The following SPTBN2 variants were observed in gnomAD, a reference collection of about 807,000 sequenced individuals.
SPTBN2 encodes spectrin beta chain, non-erythrocytic 2.
In SPTBN2, 107 loss-of-function variants were observed where a neutral mutation model predicts 284.2. The observed-to-expected ratio is 0.38, with a 90% CI of 0.32 to 0.44. The LOEUF is 0.44. SPTBN2 is among the 20% of genes least tolerant of loss of function. The pLI is 1.00. For missense variants in SPTBN2, 2,569 were observed against 3,287.1 expected, an observed-to-expected ratio of 0.78 and a Z score of 5.34; for synonymous variants, 1,289 against 1,354.8, an observed-to-expected ratio of 0.95 and a Z score of 1.07.
At chr11:66,702,735 G>C (rs1025143928) in intron 15 of SPTBN2, among the ~76,000 whole-genome samples, 1 of 151,572 alleles carries the variant, frequency 6.6e-6, no homozygotes, top group Non-Finnish European at 1.5e-5. Context: ...TCAGGAGATC[G>C]AGACCATCCT....
At chr11:66,721,778 G>A (rs556613863) in intron 1 of SPTBN2, among the ~76,000 whole-genome samples, 2 of 152,118 alleles carry the variant, frequency 1.3e-5, no homozygotes, top group South Asian at 4.2e-4. Context: ...GGGCGCGGTG[G>A]CTCACGCCTG....
At chr11:66,744,643 G>T in exon 1 of SPTBN2, 1 of 354,982 alleles carries the variant, frequency 2.8e-6, no homozygotes, top group East Asian at 1.0e-4. Context: ...GTGGCTCCCG[G>T]CGGCGGTTCG....
Position 66,696,347 on chromosome 11 carries a change from T to G in SPTBN2, c.4208A>C (p.Gln1403Pro). Residue 1403 changes from glutamine (Q) to proline (P), a missense_variant, in exon 21 of 38, where the codon CAG becomes CCG. Gln to Pro is a moderately conservative substitution (Grantham distance 76). Coordinates refer to ENST00000533211, the MANE Select transcript of SPTBN2 (RefSeq NM_006946.4). ...GTAGTCATCCGAGTGCAGCTGGGCC[T>G]GCAGGCTCTCCAGCCAGCTCTCCAG... Reference protein sequence around the residue: ...CALESWLESLQAQLHSDDYGK... With the variant: ...CALESWLESLPAQLHSDDYGK... 2 of 1,613,372 alleles carry G rather than the reference T, an allele frequency of 1.2e-6. No homozygotes were observed. The highest frequency in any genetic ancestry group is 1.7e-6 in the Non-Finnish European group (2 of 1,180,030).
At position 66,701,233 on chromosome 11, in the gene SPTBN2, A is replaced by G; in HGVS notation, c.2866T>C (p.Ser956Pro). 1 of 1,612,996 alleles carries G rather than the reference A, an allele frequency of 6.2e-7. No homozygotes were observed. The highest frequency in any genetic ancestry group is 8.5e-7 in the Non-Finnish European group (1 of 1,180,020). ...TGGTAGTTCTGGATGCTCAGGGCTG[A>G]GGTGAGAGCTGCCTTCTTGCCGTCT... ...LADGKKAALT[S>P]ALSIQNYHLE... Residue 956 changes from serine to proline, a missense_variant, in exon 17 of 38, where the codon TCA (serine) becomes CCA (proline). By Grantham distance (74) the Ser-to-Pro change is moderately conservative (BLOSUM62 -1). This residue lies in a region of SPTBN2 where 1,012 missense variants were observed against 1,248.9 expected (regional missense o/e 0.81). Transcript: ENST00000533211.
intron 20 of SPTBN2, among the ~76,000 whole-genome samples, 178 bp from the exon 21 acceptor site, chr11:66,696,718 G>A (rs1281146490): frequency 6.6e-6 from 1 of 152,182 alleles, no homozygotes; most frequent in Non-Finnish European, 1.5e-5. Flanking sequence ...CTAAACTGCT[G>A]TTCCCTCACT....
At chr11:66,696,836 A>C (rs1940941569) in intron 20 of SPTBN2, among the ~76,000 whole-genome samples, 1 of 152,170 alleles carries the variant, frequency 6.6e-6, no homozygotes, top group South Asian at 2.1e-4. Context: ...GGTTTCTGGC[A>C]CCACACTGCA....
chr11:66,699,387 T>A lies in SPTBN2; in HGVS notation c.3776+19A>T. On this transcript the variant is annotated intron_variant, in intron 18 of 37. Coordinates refer to ENST00000533211, the MANE Select transcript of SPTBN2 (RefSeq NM_006946.4). ...ATTCCCCCCTGGGAACCCTAATTCATGGACTGTCCTCATCAGACCTCCTCT... is the reference window on the plus strand; with the variant it reads ...ATTCCCCCCTGGGAACCCTAATTCAAGGACTGTCCTCATCAGACCTCCTCT... The A allele has an allele frequency of 6.2e-7, 1 of 1,613,224 alleles. No individual in the cohort carries two copies. Among genetic ancestry groups the A allele is most frequent in the Non-Finnish European group, 8.5e-7 (1 of 1,179,498 alleles).
At chr11:66,706,464 G>A (rs547131042) in intron 13 of SPTBN2, among the ~76,000 whole-genome samples, 1 of 152,304 alleles carries the variant, frequency 6.6e-6, no homozygotes, top group South Asian at 2.1e-4. Flanking sequence ...CTGACTAGCT[G>A]GGATTACAGG....
At position 66,687,289 on chromosome 11, in the gene SPTBN2, G is replaced by A; in HGVS notation, c.6723-122C>T. 1 of 1,553,948 alleles carries A rather than the reference G, an allele frequency of 6.4e-7. No individual in the cohort carries two copies. The highest frequency in any genetic ancestry group is 8.7e-7 in the Non-Finnish European group (1 of 1,144,482). ...TAGGCCACGGTCTTCACACCCTCTG[G>A]TCCTCCCCTGAGGCCCCGCTCTGGT... On this transcript the variant is annotated intron_variant, in intron 35 of 37. Coordinates refer to ENST00000533211, the MANE Select transcript of SPTBN2 (RefSeq NM_006946.4). This position sits in a 1 kb window ranked among gnomAD's most constrained non-coding sequence, Gnocchi z 5.2.
Position 66,688,350 on chromosome 11 carries a change from G to A in SPTBN2, c.6232-39C>T, listed in dbSNP as rs192993539. ...CTGCATTCAGCGTGTAGAAGGTTGC[G>A]TGTAAGAGGGCCAGGGAAACAGGGA... On this transcript the variant is annotated intron_variant, in intron 31 of 37. Coordinates refer to ENST00000533211, the MANE Select transcript of SPTBN2 (RefSeq NM_006946.4). 12,566 of 1,553,104 alleles carry A rather than the reference G, an allele frequency of 8.1e-3. 61 individuals are homozygous for A. Among genetic ancestry groups the A allele is most frequent in the Non-Finnish European group, 9.6e-3 (10,980 of 1,148,946 alleles).
At chr11:66,742,901 C>T (rs939219622) in intron 1 of SPTBN2, among the ~76,000 whole-genome samples, 1 of 152,224 alleles carries the variant, frequency 6.6e-6, no homozygotes, top group Non-Finnish European at 1.5e-5. Flanking sequence ...TGAGCCACTG[C>T]GCCCGGCCAC....
rs564754292 is a variant in SPTBN2 at position 66,687,091 on chromosome 11, C to T, written c.6799G>A (p.Gly2267Arg). The change falls in exon 36 of 38, where the codon GGA becomes AGA. Residue 2267 changes from glycine (G) to arginine (R), a missense_variant. Gly to Arg is a moderately radical substitution (Grantham distance 125, BLOSUM62 -2). Coordinates refer to ENST00000533211, the MANE Select transcript of SPTBN2 (RefSeq NM_006946.4). The surrounding 1 kb of genome is among the most constrained non-coding windows in gnomAD (Gnocchi z 5.2). ...GGCACTTCTCCGTGGTATGGCACTC[C>T]CGCGCTGGCTGCCTTGGCATCCTTG... Reference protein sequence around the residue: ...FYKDAKAASAGVPYHGEVPVS... With the variant: ...FYKDAKAASARVPYHGEVPVS... 2 of 1,614,134 alleles carry T rather than the reference C, an allele frequency of 1.2e-6. No individual in the cohort carries two copies. The highest frequency in any genetic ancestry group is 1.1e-5 in the South Asian group (1 of 91,090).
rs1343028099 is a variant in SPTBN2 at position 66,701,057 on chromosome 11, C to T, written c.3042G>A (p.Arg1014=). The change falls in exon 17 of 38, where the codon CGG becomes CGA. Residue 1014 remains arginine (R), a synonymous_variant. Coordinates refer to ENST00000533211, the MANE Select transcript of SPTBN2 (RefSeq NM_006946.4). ...TTGCCTCTCGAGTCAGTTCGCCCAC[C>T]CGGGCGGCGATGGCCTCCAGGTCCC... ...TERDLEAIAA[R]VGELTREANA... is the part of the protein sequence containing the mutation. 9.3e-6 allele frequency: 15 copies of T among 1,610,232 alleles called. No individual in the cohort carries two copies. The highest frequency in any genetic ancestry group is 1.3e-5 in the African/African-American group (1 of 74,940).
chr11:66,695,246 C>T (rs542284376), intron 21 of SPTBN2, among the ~76,000 whole-genome samples: 1 of 152,220 alleles, frequency 6.6e-6, no homozygotes, highest in African/African-American at 2.4e-5. Flanking sequence ...TATTGGACCA[C>T]AGCTGCACCC....
rs772197854 is a variant in SPTBN2 at position 66,707,689 on chromosome 11, C to T, written c.1480G>A (p.Glu494Lys). Residue 494 changes from glutamate (E) to lysine (K), a missense_variant, in exon 13 of 38, where the codon GAG (glutamate) becomes AAG (lysine). Transcript: ENST00000533211. The surrounding 1 kb of genome is among the most constrained non-coding windows in gnomAD (Gnocchi z 4.9). The part of the protein sequence containing the change: ...VDAVAAELAA[E>K]RYHDIKRIAA... ...ATGCGCTTGATGTCGTGGTAGCGCTCGGCGGCCAGCTCTGCAGCCACGGCG... is the reference window on the plus strand; with the variant it reads ...ATGCGCTTGATGTCGTGGTAGCGCTTGGCGGCCAGCTCTGCAGCCACGGCG... The T allele has an allele frequency of 6.9e-6, 11 of 1,605,496 alleles. No individual in the cohort carries two copies. The highest frequency in any genetic ancestry group is 1.1e-5 in the South Asian group (1 of 91,018).
At chr11:66,705,622 C>T (rs1322133092) in intron 14 of SPTBN2, 62 bp downstream of exon 14, 2 of 1,605,342 alleles carry the variant, frequency 1.2e-6, no homozygotes, top group Non-Finnish European at 1.7e-6. Context: ...ACCCTTCCAC[C>T]TCGGCTCTTG....
rs1036502577 is a variant in SPTBN2, at chr11:66,692,705, T to C, written c.5021A>G (p.Lys1674Arg). The change falls in exon 26 of 38, where the codon AAG becomes AGG. Residue 1674 changes from lysine to arginine, a missense_variant. Physicochemically the swap from Lys to Arg is conservative, Grantham distance 26 (BLOSUM62 2). Transcript: ENST00000533211. ...CAGCTCCTTCAGGCCGGCATACAGC[T>C]TGTCCACCTGGGCTTGGCGGATGGA... ...RISIRQAQVD[K>R]LYAGLKELAG... 6.9e-6 allele frequency: 11 copies of C among 1,603,738 alleles called. No individual in the cohort carries two copies. Among genetic ancestry groups the C allele is most frequent in the Non-Finnish European group, 9.3e-6 (11 of 1,179,940 alleles).
Position 66,710,273 on chromosome 11 carries a change from G to A in SPTBN2, c.1073+309C>T, listed in dbSNP as rs368041717. On this transcript the variant is annotated intron_variant, in intron 10 of 37. Transcript: ENST00000533211. The surrounding 1 kb of genome is among the most constrained non-coding windows in gnomAD (Gnocchi z 4.9). Reference sequence around the variant, plus strand: ...TTGGCCAGGCTGGTCTCAAACTCCCGACCTCAGTAGAGATGGGGTTTCACC... The same window carrying A: ...TTGGCCAGGCTGGTCTCAAACTCCCAACCTCAGTAGAGATGGGGTTTCACC... Among the ~76,000 whole-genome samples the A allele has an allele frequency of 6.6e-6, 1 of 151,522 alleles. No individual in the cohort carries two copies. Among genetic ancestry groups the A allele is most frequent in the African/African-American group, 2.4e-5 (1 of 41,218 alleles).
rs1226113797 is a variant in SPTBN2 at position 66,691,965 on chromosome 11, C to T, written c.5191-307G>A. ...CTGAGGGTCCAAGCCCCCAAACTGT[C>T]GGGGGGGTGGATCATACTCCGTTTT... is the stretch of plus-strand genomic sequence containing the variant. On this transcript the variant is annotated intron_variant, in intron 26 of 37. Transcript: ENST00000533211. This position sits in a 1 kb window ranked among gnomAD's most constrained non-coding sequence, Gnocchi z 8.0. Among the ~76,000 whole-genome samples, 5 of 152,066 alleles carry T rather than the reference C, an allele frequency of 3.3e-5. No individual in the cohort carries two copies. The highest frequency in any genetic ancestry group is 5.9e-5 in the Non-Finnish European group (4 of 68,000).
Sources: gnomAD v4.1 joint callset for allele counts (sites outside exome capture counted in the v4.1 genomes callset) on GRCh38, gnomAD v4.1.1 for gene constraint, gnomAD v4.1.1 regional missense constraint, Gnocchi (gnomAD v3.1) non-coding constraint, MANE v1.5 for transcripts, NCBI Gene and HGNC (gene_info 2026-07-23, HGNC 2026-07-21) for gene names.